Variants in OTOG observed in about 807,000 individuals in gnomAD.
The protein encoded by OTOG is otogelin.
A neutral mutation model predicts 313.8 loss-of-function variants in OTOG; 296 were observed. The ratio of observed to expected loss-of-function variants is 0.94; its 90% CI spans 0.86 to 1.04. The LOEUF (loss-of-function observed/expected upper bound fraction) is 1.04. OTOG is among the 50% of genes least tolerant of loss of function. The probability of loss-of-function intolerance (pLI) is 0.00; values close to 1 mark genes in which losing one functional copy is unlikely to be tolerated. For synonymous variants in OTOG, 1,533 were observed against 1,554.9 expected (o/e 0.99, Z 0.33); for missense variants, 3,948 against 3,840.1 (o/e 1.03, Z -0.74).
chr11:17,581,875 C>G (rs1180125073), intron 23 of OTOG, among the ~76,000 whole-genome samples: 1 of 152,216 alleles, frequency 6.6e-6, no homozygotes, highest in East Asian at 1.9e-4. Context: ...GTGCTTCACA[C>G]CAGCATAGAT....
intron 48 of OTOG, chr11:17,638,884 T>C: frequency 1.0e-6 from 1 of 967,296 alleles, no homozygotes; most frequent in Admixed American, 2.4e-5. Context: ...GATCATGAGG[T>C]CAGGAGTTCA....
chr11:17,557,389 G>A, intron 8 of OTOG, 66 bp downstream of exon 8: 1 of 1,460,772 alleles, frequency 6.8e-7, no homozygotes. Context: ...AGGCTGGGAG[G>A]GGTTGGAGGG....
intron 39 of OTOG, among the ~76,000 whole-genome samples, chr11:17,616,552 T>A (rs1461040252): frequency 6.6e-6 from 1 of 152,194 alleles, no homozygotes; most frequent in Non-Finnish European, 1.5e-5. Flanking sequence ...TTGATTTTTT[T>A]ATTTGTGTTT....
At chr11:17,586,721 T>A in intron 24 of OTOG, 140 bp downstream of exon 24, 1 of 462,182 alleles carries the variant, frequency 2.2e-6, no homozygotes, top group Non-Finnish European at 3.7e-6. Flanking sequence ...GTGTGTGGTA[T>A]AGGGGTTTGT....
intron 45 of OTOG, 28 bp downstream of exon 45, chr11:17,634,976 G>T: frequency 6.6e-7 from 1 of 1,515,578 alleles, no homozygotes; most frequent in South Asian, 1.2e-5. Flanking sequence ...GGGAGGGTGG[G>T]GGACGGACTG....
intron 27 of OTOG, 116 bp downstream of exon 27, chr11:17,593,872 C>T: frequency 7.0e-7 from 1 of 1,422,914 alleles, no homozygotes; most frequent in East Asian, 2.5e-5. Flanking sequence ...TCTGTTCTCT[C>T]CTCCGCCCTG....
intron 24 of OTOG, among the ~76,000 whole-genome samples, chr11:17,590,751 C>T (rs1047623269): frequency 6.6e-6 from 1 of 152,252 alleles, no homozygotes; most frequent in Non-Finnish European, 1.5e-5. Flanking sequence ...CCCTTGCCCT[C>T]TCCATTCTAG....
chr11:17,602,864 C>T (rs1853288302), intron 32 of OTOG, among the ~76,000 whole-genome samples: 1 of 152,206 alleles, frequency 6.6e-6, no homozygotes, highest in South Asian at 2.1e-4. Flanking sequence ...CCATCAGAAG[C>T]CCACAGTCCC....
intron 35 of OTOG, 132 bp downstream of exon 35, chr11:17,609,341 A>G (rs1206448020): frequency 2.5e-6 from 2 of 810,038 alleles, no homozygotes; most frequent in Non-Finnish European, 4.0e-6. Context: ...GGAAAGAGGC[A>G]CAGGCACAGG....
chr11:17,559,769 AAGG>A, intron 12 of OTOG, 107 bp downstream of exon 12: 2 of 628,422 alleles, frequency 3.2e-6, no homozygotes, highest in Non-Finnish European at 2.4e-6. Context: ...GAAGGAAGGA[AAGG>A]AGGGAGGGAG....
intron 23 of OTOG, among the ~76,000 whole-genome samples, chr11:17,582,177 G>A (rs995898401): frequency 6.6e-6 from 1 of 152,142 alleles, no homozygotes; most frequent in Non-Finnish European, 1.5e-5. Context: ...CACCAACAAA[G>A]TTTCCCTCAT....
In OTOG at chr11:17,560,697, C is replaced by G. The variant is rs1320648254; in HGVS notation, c.1343-12C>G. On this transcript the variant is annotated splice_polypyrimidine_tract_variant and intron_variant, in intron 12 of 55. Transcript: ENST00000399397. ...CAAAGGTGAGTTAATTGGCCCTTTG[C>G]TGTCACTCTAGGGCTCATCTTCGAG... 1.1e-5 allele frequency: 17 copies of G among 1,545,196 alleles called. No individual in the cohort carries two copies. The South Asian group carries it at 1.7e-4, about 15-fold the overall frequency.
chr11:17,574,641 T>C, intron 19 of OTOG, 79 bp from the exon 20 acceptor site: 1 of 1,353,876 alleles, frequency 7.4e-7, no homozygotes, highest in Non-Finnish European at 1.0e-6. Context: ...TCCATTCTCC[T>C]CATCAGAATG....
intron 8 of OTOG, among the ~76,000 whole-genome samples, chr11:17,557,753 C>T (rs1028494732): frequency 3.9e-5 from 6 of 152,098 alleles, no homozygotes; most frequent in African/African-American, 1.4e-4. Context: ...CCAGAAGGGT[C>T]GTGACCCCTT....
At chr11:17,599,028 G>A (rs1405907486) in intron 30 of OTOG, among the ~76,000 whole-genome samples, 3 of 152,228 alleles carry the variant, frequency 2.0e-5, no homozygotes, top group Non-Finnish European at 4.4e-5. Context: ...TGGCTTTGCT[G>A]CTGGCTTTAG....
intron 23 of OTOG, among the ~76,000 whole-genome samples, chr11:17,583,238 G>A (rs952183243): frequency 2.6e-5 from 4 of 152,188 alleles, no homozygotes; most frequent in South Asian, 2.1e-4. Flanking sequence ...TAGCTCAAGC[G>A]ATTCTCCCGC....
Position 17,640,533 on chromosome 11 carries a change from G to A in OTOG, c.7936-212G>A, listed in dbSNP as rs189977572. On this transcript the variant is annotated intron_variant, in intron 49 of 55. Transcript: ENST00000399397. The stretch of plus-strand genomic sequence containing the variant: ...CGGGGCTCTGTCCCTCGCTGTGAAA[G>A]GAGAGGACACTGGACAGTGCTCCTC... 3.4e-3 allele frequency among the ~76,000 whole-genome samples: 521 copies of A among 152,344 alleles called. 12 individuals carry two copies. The highest frequency in any genetic ancestry group is 0.03 in the Admixed American group (455 of 15,310).
At position 17,634,175 on chromosome 11, in the gene OTOG, G is replaced by A. The variant is rs950735440; in HGVS notation, c.7374G>A (p.Pro2458=). ...HQCQAPDTIV[P]VDLGCPSPRP... is the part of the protein sequence containing the mutation. ...GCCAAGCCCCAGACACCATTGTCCC[G>A]GTGGATCTGGGCTGCCCCAGTCCCC... The change falls in exon 44 of 56, where the codon CCG becomes CCA. Residue 2458 remains proline (P), a synonymous_variant. Coordinates refer to ENST00000399397, the MANE Select transcript of OTOG (RefSeq NM_001292063.2). The A allele has an allele frequency of 1.2e-5, 18 of 1,550,132 alleles. No homozygotes were observed. The highest frequency in any genetic ancestry group is 2.0e-5 in the Admixed American group (1 of 50,988).
At position 17,591,599 on chromosome 11, in the gene OTOG, G is replaced by T. The variant is rs150247729; in HGVS notation, c.3006+11G>T. On this transcript the variant is annotated intron_variant, in intron 25 of 55. Coordinates refer to ENST00000399397, the MANE Select transcript of OTOG (RefSeq NM_001292063.2). ...GTGCACCTGGTCAAGGTGAGTTCCC[G>T]GATGTTTCTGCCCAGTTGGCTCCAT... 2 of 1,550,298 alleles carry T rather than the reference G, an allele frequency of 1.3e-6. No individual in the cohort carries two copies. Among genetic ancestry groups the T allele is most frequent in the African/African-American group, 2.7e-5 (2 of 73,172 alleles).
Sources: allele counts gnomAD v4.1 joint callset (sites outside exome capture counted in the v4.1 genomes callset), GRCh38; gene constraint gnomAD v4.1.1; transcripts MANE v1.5; gene names NCBI Gene and HGNC (gene_info 2026-07-23, HGNC 2026-07-21).